The following EPHA3 variants were observed in gnomAD, a reference collection of about 807,000 sequenced individuals.
EPHA3 encodes ephrin type-A receptor 3.
A neutral mutation model predicts 107.1 loss-of-function variants in EPHA3; 42 were observed. The ratio of observed to expected loss-of-function variants is 0.39; its 90% CI spans 0.31 to 0.51. The LOEUF (loss-of-function observed/expected upper bound fraction) is 0.51. EPHA3 is among the 20% of genes least tolerant of loss of function. The pLI is 0.78. For synonymous variants in EPHA3, 461 were observed against 424.8 expected (o/e 1.09, Z -1.05); for missense variants, 1,183 against 1,211.2 (o/e 0.98, Z 0.35).
At chr3:89,150,830 G>A (rs544540693) in intron 2 of EPHA3, among the ~76,000 whole-genome samples, 1 of 152,114 alleles carries the variant, frequency 6.6e-6, no homozygotes, top group Admixed American at 6.6e-5. Context: ...AGAAATTACA[G>A]CCTGGTATGG....
intron 2 of EPHA3, among the ~76,000 whole-genome samples, chr3:89,169,146 T>G (rs1354581255): frequency 1.3e-5 from 2 of 152,098 alleles, no homozygotes; most frequent in Admixed American, 6.6e-5. Context: ...TTAGACTTAT[T>G]TTTTCTGAAA....
chr3:89,260,899 C>T (rs1415262087), intron 3 of EPHA3, among the ~76,000 whole-genome samples: 2 of 152,220 alleles, frequency 1.3e-5, no homozygotes, highest in African/African-American at 2.4e-5. Flanking sequence ...TCCTCCACAG[C>T]ATTTCCACTG....
chr3:89,299,962 C>G (rs879446306), intron 3 of EPHA3, among the ~76,000 whole-genome samples: 1 of 151,858 alleles, frequency 6.6e-6, no homozygotes, highest in Non-Finnish European at 1.5e-5. Flanking sequence ...ATTAATTTTT[C>G]ATTTGGGCAT....
intron 3 of EPHA3, among the ~76,000 whole-genome samples, chr3:89,323,152 A>T (rs1707082149): frequency 6.6e-6 from 1 of 152,184 alleles, no homozygotes; most frequent in Non-Finnish European, 1.5e-5. Flanking sequence ...ATATTGACAC[A>T]TCTACCTATG....
chr3:89,113,319 T>C (rs1707158995), intron 1 of EPHA3, among the ~76,000 whole-genome samples: 1 of 151,684 alleles, frequency 6.6e-6, no homozygotes, highest in East Asian at 1.9e-4. Flanking sequence ...AAGACATCCC[T>C]CAGTGTGTTC....
chr3:89,436,423 C>T (rs1294586523), intron 13 of EPHA3, among the ~76,000 whole-genome samples: 2 of 152,172 alleles, frequency 1.3e-5, no homozygotes, highest in Non-Finnish European at 2.9e-5. Flanking sequence ...GAAGTTTCTA[C>T]AATTTGGAGA....
chr3:89,169,363 T>G (rs1705158872), intron 2 of EPHA3, among the ~76,000 whole-genome samples: 1 of 152,150 alleles, frequency 6.6e-6, no homozygotes, highest in African/African-American at 2.4e-5. Flanking sequence ...CACAGGCACA[T>G]AGTAGTTGGG....
intron 3 of EPHA3, among the ~76,000 whole-genome samples, chr3:89,317,849 G>A (rs1044223873): frequency 1.3e-5 from 2 of 151,756 alleles, no homozygotes; most frequent in African/African-American, 4.8e-5. Flanking sequence ...GCATTCTTTT[G>A]TATCACTTCT....
chr3:89,327,738 T>TTTTG (rs1368218190), intron 3 of EPHA3, among the ~76,000 whole-genome samples: 1 of 152,150 alleles, frequency 6.6e-6, no homozygotes, highest in East Asian at 1.9e-4. Flanking sequence ...TGTGCTTTTT[T>TTTTG]TTTGTTTGTT....
intron 2 of EPHA3, among the ~76,000 whole-genome samples, chr3:89,180,577 T>C (rs1256402128): frequency 2.0e-5 from 3 of 151,998 alleles, no homozygotes; most frequent in East Asian, 3.9e-4. Context: ...TCCTTATATA[T>C]GCAAAATGCA....
At chr3:89,281,609 A>T (rs1705949719) in intron 3 of EPHA3, among the ~76,000 whole-genome samples, 1 of 152,214 alleles carries the variant, frequency 6.6e-6, no homozygotes, top group Non-Finnish European at 1.5e-5. Context: ...CGTATAAATA[A>T]TATATGCAAT....
intron 11 of EPHA3, among the ~76,000 whole-genome samples, chr3:89,424,725 A>G (rs1345927397): frequency 6.6e-6 from 1 of 151,510 alleles, no homozygotes; most frequent in African/African-American, 2.4e-5. Context: ...ACAACATATT[A>G]AGAGTATTAT....
chr3:89,244,132 A>G (rs551507481), intron 3 of EPHA3, among the ~76,000 whole-genome samples: 388 of 152,256 alleles, frequency 2.5e-3, no homozygotes, highest in African/African-American at 9.1e-3. Flanking sequence ...TTTATGTGAC[A>G]TTATTGATAC....
At chr3:89,314,967 G>T (rs1472049800) in intron 3 of EPHA3, among the ~76,000 whole-genome samples, 1 of 151,804 alleles carries the variant, frequency 6.6e-6, no homozygotes, top group African/African-American at 2.4e-5. Context: ...GTAGCCTTTT[G>T]CTCCTAGGCT....
chr3:89,173,069 A>G (rs995050672), intron 2 of EPHA3, among the ~76,000 whole-genome samples: 13 of 152,142 alleles, frequency 8.5e-5, no homozygotes, highest in Non-Finnish European at 1.9e-4. Context: ...TCATATGTAC[A>G]TAGGTAGAGA....
At chr3:89,300,525 C>T (rs528190629) in intron 3 of EPHA3, among the ~76,000 whole-genome samples, 10 of 151,942 alleles carry the variant, frequency 6.6e-5, no homozygotes, top group African/African-American at 2.4e-4. Context: ...GACTGAATTA[C>T]TTAGTACATG....
At chr3:89,262,636 C>A (rs1705441672) in intron 3 of EPHA3, among the ~76,000 whole-genome samples, 1 of 152,232 alleles carries the variant, frequency 6.6e-6, no homozygotes, top group Non-Finnish European at 1.5e-5. Flanking sequence ...CCGACCCGGT[C>A]GCATGATGCG....
chr3:89,205,648 G>A (rs1321309037), intron 2 of EPHA3, among the ~76,000 whole-genome samples: 1 of 152,142 alleles, frequency 6.6e-6, no homozygotes, highest in African/African-American at 2.4e-5. Flanking sequence ...GTTAGAGGTT[G>A]AAAAAGTATT....
intron 3 of EPHA3, among the ~76,000 whole-genome samples, chr3:89,308,750 T>C (rs561379338): frequency 7.9e-5 from 12 of 152,084 alleles, no homozygotes; most frequent in African/African-American, 2.9e-4. Context: ...TTTGAAATAG[T>C]GGAAAGGTTT....
Sources: gnomAD v4.1 joint callset for allele counts (sites outside exome capture counted in the v4.1 genomes callset) on GRCh38, gnomAD v4.1.1 for gene constraint, MANE v1.5 for transcripts, NCBI Gene and HGNC (gene_info 2026-07-23, HGNC 2026-07-21) for gene names.